Variants in MACROD2 observed in about 807,000 individuals in gnomAD.
MACROD2 encodes the protein ADP-ribose glycohydrolase MACROD2.
In MACROD2, 36 loss-of-function variants were observed where a neutral mutation model predicts 70.4. That is an observed-to-expected ratio of 0.51 (90% confidence interval 0.39 to 0.68). The LOEUF is 0.68. Among genes scored for constraint, MACROD2 ranks in the 30% least tolerant of loss-of-function variants. The pLI, the probability that MACROD2 is intolerant of heterozygous loss-of-function variation, is 0.00. For missense variants in MACROD2, 496 were observed against 538.4 expected, an observed-to-expected ratio of 0.92 and a Z score of 0.78; for synonymous variants, 172 against 178.8, an observed-to-expected ratio of 0.96 and a Z score of 0.30.
Position 15,383,594 on chromosome 20 carries a change from G to A in MACROD2, c.541-47811G>A, listed in dbSNP as rs1045926225. Among the ~76,000 whole-genome samples the A allele has an allele frequency of 2.6e-5, 4 of 152,256 alleles. No individual in the cohort carries two copies. The East Asian group carries it at 7.7e-4, about 29-fold the overall frequency. On this transcript the variant is annotated intron_variant, in intron 6 of 17. Coordinates refer to ENST00000684519, the MANE Select transcript of MACROD2 (RefSeq NM_001351661.2). ...GGATGAGGCTGACTATAATTTGCTG[G>A]CTTTCATATAAGCATCAAACAATTG...
intron 5 of MACROD2, among the ~76,000 whole-genome samples, chr20:14,804,818 T>C (rs191634816): frequency 5.3e-5 from 8 of 151,930 alleles, no homozygotes; most frequent in Non-Finnish European, 1.2e-4. Context: ...GATTTCTGTC[T>C]TTGATAGAAT....
intron 12 of MACROD2, among the ~76,000 whole-genome samples, chr20:15,965,554 G>T (rs1489402329): frequency 6.6e-6 from 1 of 152,234 alleles, no homozygotes; most frequent in South Asian, 2.1e-4. Flanking sequence ...TAACATTAAT[G>T]TTGAGAGAAA....
chr20:16,019,814 T>A (rs561717128), intron 15 of MACROD2, among the ~76,000 whole-genome samples: 38 of 152,196 alleles, frequency 2.5e-4, no homozygotes, highest in Non-Finnish European at 4.9e-4. Context: ...ATTTAACAAC[T>A]CCTGCCCAAG....
intron 5 of MACROD2, among the ~76,000 whole-genome samples, chr20:15,196,568 T>C (rs772745492): frequency 6.6e-6 from 1 of 152,200 alleles, no homozygotes; most frequent in Non-Finnish European, 1.5e-5. Flanking sequence ...CAAAAATCTA[T>C]GGGTTAACGT....
chr20:15,497,517 C>T (rs980579970), intron 7 of MACROD2, among the ~76,000 whole-genome samples: 1 of 152,102 alleles, frequency 6.6e-6, no homozygotes, highest in Non-Finnish European at 1.5e-5. Flanking sequence ...GTCTTGAGCT[C>T]CTGACCTCGT....
chr20:14,940,148 CAAAA>C (rs57697517), intron 5 of MACROD2, among the ~76,000 whole-genome samples: 4 of 55,106 alleles, frequency 7.3e-5, no homozygotes, highest in Non-Finnish European at 1.6e-4. Flanking sequence ...CTCATCTCTG[CAAAA>C]AAAAAAAAAA....
chr20:14,858,775 A>C (rs1329816219), intron 5 of MACROD2, among the ~76,000 whole-genome samples: 1 of 152,122 alleles, frequency 6.6e-6, no homozygotes, highest in Non-Finnish European at 1.5e-5. Context: ...ACTTCGTAGC[A>C]ATGCGACTTT....
intron 3 of MACROD2, among the ~76,000 whole-genome samples, chr20:14,125,744 A>G (rs983854028): frequency 2.0e-5 from 3 of 152,188 alleles, no homozygotes; most frequent in Non-Finnish European, 2.9e-5. Context: ...AGTATACAGC[A>G]TAACTCTTTT....
intron 5 of MACROD2, among the ~76,000 whole-genome samples, chr20:14,993,242 C>T (rs1424409800): frequency 1.3e-5 from 2 of 151,242 alleles, no homozygotes; most frequent in Non-Finnish European, 2.9e-5. Context: ...TTACATGCAA[C>T]CAGATGTTAT....
intron 4 of MACROD2, among the ~76,000 whole-genome samples, chr20:14,611,650 C>A (rs1983177915): frequency 6.6e-6 from 1 of 151,964 alleles, no homozygotes; most frequent in Non-Finnish European, 1.5e-5. Context: ...AGACCTGGGT[C>A]CACCCATGGA....
At chr20:14,727,788 G>T (rs960214813) in intron 5 of MACROD2, among the ~76,000 whole-genome samples, 15 of 152,158 alleles carry the variant, frequency 9.9e-5, no homozygotes, top group African/African-American at 3.4e-4. Context: ...TTAGGGAAAG[G>T]GATTGCTCCT....
At chr20:15,408,194 A>G (rs1254015796) in intron 6 of MACROD2, among the ~76,000 whole-genome samples, 2 of 152,370 alleles carry the variant, frequency 1.3e-5, no homozygotes, top group Admixed American at 6.5e-5. Context: ...TCAACTTCAC[A>G]ATGCCATAGG....
intron 3 of MACROD2, among the ~76,000 whole-genome samples, chr20:14,364,844 C>T (rs991425862): frequency 6.6e-6 from 1 of 152,144 alleles, no homozygotes; most frequent in Non-Finnish European, 1.5e-5. Flanking sequence ...CAAAATTTGC[C>T]CATCCATTCA....
chr20:14,304,459 T>C (rs192818855), intron 3 of MACROD2, among the ~76,000 whole-genome samples: 140 of 152,360 alleles, frequency 9.2e-4, no homozygotes, highest in African/African-American at 3.1e-3. Flanking sequence ...GTAGACATAC[T>C]GTGCCTCTGG....
intron 8 of MACROD2, among the ~76,000 whole-genome samples, chr20:15,812,744 G>A (rs564217602): frequency 2.0e-5 from 3 of 152,278 alleles, no homozygotes; most frequent in African/African-American, 7.2e-5. Context: ...CAGAATTTTA[G>A]TACAGAGCTA....
intron 6 of MACROD2, among the ~76,000 whole-genome samples, chr20:15,429,430 A>G (rs1218353865): frequency 2.0e-5 from 3 of 152,174 alleles, no homozygotes; most frequent in African/African-American, 7.2e-5. Context: ...AGGCTTCCAC[A>G]GGAGCAGAAA....
At chr20:14,583,896 T>G (rs1981202055) in intron 4 of MACROD2, among the ~76,000 whole-genome samples, 1 of 152,136 alleles carries the variant, frequency 6.6e-6, no homozygotes, top group African/African-American at 2.4e-5. Context: ...TGGTTTCCTT[T>G]TATCTTCCTG....
At chr20:15,499,229 T>C (rs1600498584) in intron 7 of MACROD2, among the ~76,000 whole-genome samples, 4 of 152,326 alleles carry the variant, frequency 2.6e-5, no homozygotes, top group Middle Eastern at 6.8e-3. Flanking sequence ...GATTATCTCA[T>C]GCTGTCTCAA....
intron 4 of MACROD2, among the ~76,000 whole-genome samples, chr20:14,580,470 T>C (rs985322395): frequency 6.6e-6 from 1 of 152,086 alleles, no homozygotes; most frequent in Non-Finnish European, 1.5e-5. Flanking sequence ...GTAAATATTA[T>C]CATTCTCAAT....
Sources: gnomAD v4.1 joint callset for allele counts (sites outside exome capture counted in the v4.1 genomes callset) on GRCh38, gnomAD v4.1.1 for gene constraint, MANE v1.5 for transcripts, NCBI Gene and HGNC (gene_info 2026-07-23, HGNC 2026-07-21) for gene names.